The following GPSM2 variants were observed in gnomAD, a reference collection of about 807,000 sequenced individuals.
GPSM2 encodes G protein signaling modulator 2.
GPSM2 carries 58 observed loss-of-function variants against 78.4 expected under a neutral mutation model. That is an observed-to-expected ratio of 0.74 (90% confidence interval 0.60 to 0.92). GPSM2 has a LOEUF of 0.92. Among genes scored for constraint, GPSM2 ranks in the 40% least tolerant of loss-of-function variants. The pLI, the probability that GPSM2 is intolerant of heterozygous loss-of-function variation, is 0.00. For synonymous variants in GPSM2, 224 were observed against 280.2 expected (o/e 0.80, Z 2.00); for missense variants, 700 against 815.5 (o/e 0.86, Z 1.73).
At chr1:108,913,112 C>A (rs1215130044) in intron 10 of GPSM2, among the ~76,000 whole-genome samples, 3 of 152,046 alleles carry the variant, frequency 2.0e-5, no homozygotes, top group Admixed American at 6.6e-5. Flanking sequence ...AATTGGTATA[C>A]CCTGAAGTAC....
intron 2 of GPSM2, among the ~76,000 whole-genome samples, chr1:108,885,985 TTTA>T (rs1211473532): frequency 2.0e-5 from 3 of 152,088 alleles, no homozygotes; most frequent in Non-Finnish European, 4.4e-5. Context: ...TTGATTTATT[TTTA>T]TTTTTTGTAG....
intron 2 of GPSM2, among the ~76,000 whole-genome samples, chr1:108,890,081 C>T (rs1427661974): frequency 1.3e-5 from 2 of 152,204 alleles, no homozygotes; most frequent in Non-Finnish European, 2.9e-5. Context: ...CATTTCTAAG[C>T]TCCATAGTTA....
At chr1:108,883,921 T>C (rs539930165) in intron 1 of GPSM2, among the ~76,000 whole-genome samples, 1 of 152,252 alleles carries the variant, frequency 6.6e-6, no homozygotes, top group East Asian at 1.9e-4. Context: ...GTTGTTGTTT[T>C]GGTGGGGGCA....
chr1:108,920,580 T>C (rs1650631007), intron 12 of GPSM2, among the ~76,000 whole-genome samples: 1 of 152,170 alleles, frequency 6.6e-6, no homozygotes, highest in Non-Finnish European at 1.5e-5. Context: ...CATTTATACC[T>C]ACACCTTTGT....
chr1:108,923,974 C>G, intron 13 of GPSM2, 26 bp from the exon 14 acceptor site: 1 of 1,470,230 alleles, frequency 6.8e-7, no homozygotes, highest in Non-Finnish European at 9.5e-7. Context: ...TTTTTTTAAT[C>G]TTTGGCTTTC....
intron 1 of GPSM2, chr1:108,877,563 A>T (rs1665694834): frequency 6.6e-6 from 1 of 151,146 alleles, no homozygotes; most frequent in African/African-American, 2.4e-5. Flanking sequence ...GCGACTTCTT[A>T]CCACTCTGAA....
At chr1:108,886,640 A>G (rs551206929) in intron 2 of GPSM2, among the ~76,000 whole-genome samples, 1 of 152,316 alleles carries the variant, frequency 6.6e-6, no homozygotes, top group Admixed American at 6.5e-5. Flanking sequence ...CAAATACAAC[A>G]CACTCCCTTT....
At position 108,924,061 on chromosome 1, in the gene GPSM2, ACAGAGTCGCCGTCTGGATGAC is replaced by A. The variant is rs765618242; in HGVS notation, c.1668_1688del (p.Ser556_Gln562del). The A allele has an allele frequency of 6.2e-7, 1 of 1,613,566 alleles. No homozygotes were observed. Among genetic ancestry groups the A allele is most frequent in the Non-Finnish European group, 8.5e-7 (1 of 1,179,602 alleles). On this transcript the variant is annotated inframe_deletion, in exon 14 of 15. Transcript: ENST00000264126. ...AGTTTTTAGATCTTCTTGCCAGCTC[ACAGAGTCGCCGTCTGGATGAC>A]CAGAGGGCTAGTTTCAGTAATTTGC... is the stretch of plus-strand genomic sequence containing the variant.
intron 1 of GPSM2, among the ~76,000 whole-genome samples, chr1:108,877,953 A>T (rs539513562): frequency 1.3e-5 from 2 of 152,232 alleles, no homozygotes; most frequent in Non-Finnish European, 2.9e-5. Context: ...GCCTTAATGC[A>T]TAATTTAACC....
chr1:108,920,752 T>A (rs1399402465), intron 12 of GPSM2, among the ~76,000 whole-genome samples: 1 of 152,080 alleles, frequency 6.6e-6, no homozygotes, highest in African/African-American at 2.4e-5. Context: ...TTTTTGTAGG[T>A]CTAGAGCAGG....
At chr1:108,885,002 A>T (rs1647417512) in intron 1 of GPSM2, among the ~76,000 whole-genome samples, 1 of 152,208 alleles carries the variant, frequency 6.6e-6, no homozygotes, top group South Asian at 2.1e-4. Flanking sequence ...TGCTAATATG[A>T]TACATACTGT....
At position 108,904,199 on chromosome 1, in the gene GPSM2, C is replaced by A; in HGVS notation, c.1137C>A (p.Tyr379Ter). 1 of 1,594,998 alleles carries A rather than the reference C, an allele frequency of 6.3e-7. No homozygotes were observed. Among genetic ancestry groups the A allele is most frequent in the Non-Finnish European group, 8.6e-7 (1 of 1,163,208 alleles). The change falls in exon 10 of 15, where the codon TAC becomes TAA. Residue 379 changes from tyrosine (Y) to a stop codon, truncating the protein, a stop_gained. Transcript: ENST00000264126. LOFTEE classifies it high-confidence loss of function. Reference sequence around the variant, plus strand: ...TTCAAATGGTTCTTGGTCTGAGCTACAGCACAAATAACTCCATAATGTCTG... The same window carrying A: ...TTCAAATGGTTCTTGGTCTGAGCTAAAGCACAAATAACTCCATAATGTCTG... The part of the protein sequence containing the change: ...SDLQMVLGLS[Y>*]STNNSIMSEN...
At chr1:108,912,739 T>G (rs1169727123) in intron 10 of GPSM2, among the ~76,000 whole-genome samples, 2 of 151,858 alleles carry the variant, frequency 1.3e-5, no homozygotes, top group Non-Finnish European at 2.9e-5. Context: ...GCAAGACCTC[T>G]TCTCAAAAAA....
At chr1:108,880,850 G>C (rs370889941) in intron 1 of GPSM2, among the ~76,000 whole-genome samples, 31 of 152,084 alleles carry the variant, frequency 2.0e-4, no homozygotes, top group African/African-American at 6.5e-4. Flanking sequence ...AACAAACAAA[G>C]AAACAGACCA....
intron 1 of GPSM2, among the ~76,000 whole-genome samples, chr1:108,880,998 A>G (rs530123454): frequency 6.6e-6 from 1 of 152,332 alleles, no homozygotes; most frequent in Admixed American, 6.5e-5. Flanking sequence ...ATAAAGAGCT[A>G]GCCTTTCTTG....
In GPSM2 at chr1:108,901,090, C is replaced by T. The variant is rs540277197; in HGVS notation, c.798-700C>T. Reference sequence around the variant, plus strand: ...TAATTTAATCCTCACAAAAATCCTTCGAGATATTTCCCCCATTTTATATAA... The same window carrying T: ...TAATTTAATCCTCACAAAAATCCTTTGAGATATTTCCCCCATTTTATATAA... On this transcript the variant is annotated intron_variant, in intron 7 of 14. Transcript: ENST00000264126. Among the ~76,000 whole-genome samples the T allele has an allele frequency of 1.1e-3, 162 of 152,254 alleles. 1 individual carries two copies. Among genetic ancestry groups the T allele is most frequent in the Middle Eastern group, 6.8e-3 (2 of 294 alleles).
intron 14 of GPSM2, 22 bp downstream of exon 14, chr1:108,924,236 G>C: frequency 6.8e-7 from 1 of 1,478,102 alleles, no homozygotes; most frequent in South Asian, 1.1e-5. Flanking sequence ...TATTTTTTTC[G>C]TTCTGCATAC....
rs1652515657 is a variant in GPSM2, at chr1:108,934,319, C to T, written c.*4379C>T. The T allele has an allele frequency of 4.6e-6, 1 of 218,244 alleles. No homozygotes were observed. The highest frequency in any genetic ancestry group is 9.2e-6 in the Non-Finnish European group (1 of 108,990). 13.5% of individuals were successfully genotyped at this position (218,244 alleles called of 1,614,324 possible). A position where few individuals can be genotyped will look rare whatever the true frequency, so the allele number is the denominator to read the frequency against. ...GCAATGTAAATTGGTTAGTGGGTTC[C>T]CGTAAGTGCCTGTAACAATAAAATT... On this transcript the variant is annotated 3_prime_UTR_variant, in exon 15 of 15. Coordinates refer to ENST00000264126, the MANE Select transcript of GPSM2 (RefSeq NM_013296.5).
At chr1:108,926,982 C>T (rs1651157434) in intron 14 of GPSM2, 1 of 152,130 alleles carries the variant, frequency 6.6e-6, no homozygotes, top group East Asian at 1.9e-4. Context: ...GATACAAAAT[C>T]AACACAAAAA....
Sources: gnomAD v4.1 joint callset for allele counts (sites outside exome capture counted in the v4.1 genomes callset) on GRCh38, gnomAD v4.1.1 for gene constraint, MANE v1.5 for transcripts, NCBI Gene and HGNC (gene_info 2026-07-23, HGNC 2026-07-21) for gene names.